KIAA1328: variants seen among roughly 807,000 people sequenced by gnomAD.
The protein encoded by KIAA1328 is protein hinderin.
Under a neutral mutation model 68.1 loss-of-function variants are expected in KIAA1328, and 52 were observed. The observed-to-expected ratio is 0.76, with a 90% CI of 0.61 to 0.96. KIAA1328 has a LOEUF of 0.96. KIAA1328 is among the 40% of genes least tolerant of loss of function. The pLI is 0.00. For missense variants in KIAA1328, 641 were observed against 677.6 expected, an observed-to-expected ratio of 0.95 and a Z score of 0.60; for synonymous variants, 232 against 239.4, an observed-to-expected ratio of 0.97 and a Z score of 0.28.
At chr18:37,111,743 A>G (rs2057936960) in intron 7 of KIAA1328, among the ~76,000 whole-genome samples, 1 of 152,298 alleles carries the variant, frequency 6.6e-6, no homozygotes, top group East Asian at 1.9e-4. Context: ...CCTGGGAAGC[A>G]CAAGGGGTCG....
chr18:36,913,338 G>A (rs534942172), intron 5 of KIAA1328, among the ~76,000 whole-genome samples: 1 of 149,416 alleles, frequency 6.7e-6, no homozygotes, highest in Non-Finnish European at 1.5e-5. Flanking sequence ...GAGCAACATA[G>A]TAAGACCTTG....
At chr18:36,851,080 G>C (rs2047197602) in intron 4 of KIAA1328, among the ~76,000 whole-genome samples, 1 of 151,656 alleles carries the variant, frequency 6.6e-6, no homozygotes, top group Non-Finnish European at 1.5e-5. Context: ...ATGTTTTTGT[G>C]GTTTTTTTTC....
chr18:37,114,019 G>C (rs978070224), intron 7 of KIAA1328, among the ~76,000 whole-genome samples: 7 of 152,150 alleles, frequency 4.6e-5, no homozygotes, highest in Non-Finnish European at 1.0e-4. Flanking sequence ...CAAGTCCTTA[G>C]AGACCTACAA....
In KIAA1328 at chr18:37,013,168, A is replaced by G. The variant is rs191257174; in HGVS notation, c.577-53722A>G. On this transcript the variant is annotated intron_variant, in intron 6 of 9. Transcript: ENST00000280020. ...GATGGTCAGTCCTGTGGACTTTCAGAGACAGGATAGGGTAGCAAGGCACTA... is the reference window on the plus strand; with the variant it reads ...GATGGTCAGTCCTGTGGACTTTCAGGGACAGGATAGGGTAGCAAGGCACTA... 1.5e-3 allele frequency among the ~76,000 whole-genome samples: 225 copies of G among 152,274 alleles called. 1 individual carries two copies. Among genetic ancestry groups the G allele is most frequent in the African/African-American group, 5.1e-3 (213 of 41,566 alleles).
intron 7 of KIAA1328, among the ~76,000 whole-genome samples, chr18:37,098,214 CATAG>C (rs1389556777): frequency 1.3e-5 from 2 of 152,196 alleles, no homozygotes; most frequent in Non-Finnish European, 2.9e-5. Context: ...GTGGGTTTGT[CATAG>C]ATAGCTCTTA....
rs1232342317 is a variant in KIAA1328 at position 37,222,166 on chromosome 18, T to C, written c.1673T>C (p.Met558Thr). The change falls in exon 10 of 10, where the codon ATG becomes ACG. Residue 558 changes from methionine to threonine, a missense_variant. Physicochemically the swap from Met to Thr is moderately conservative, Grantham distance 81. Coordinates refer to ENST00000280020, the MANE Select transcript of KIAA1328 (RefSeq NM_020776.3). ...PLKSTRKKMG[M>T]HRTPEELEEN... ...AAATCAACCCGGAAGAAGATGGGGATGCACAGAACCCCTGAAGAGTTGGAG... is the reference window on the plus strand; with the variant it reads ...AAATCAACCCGGAAGAAGATGGGGACGCACAGAACCCCTGAAGAGTTGGAG... The C allele has an allele frequency of 3.1e-6, 5 of 1,605,294 alleles. No homozygotes were observed. Among genetic ancestry groups the C allele is most frequent in the South Asian group, 1.1e-5 (1 of 89,342 alleles).
At chr18:37,068,772 T>C (rs1023991569) in intron 7 of KIAA1328, among the ~76,000 whole-genome samples, 2 of 152,106 alleles carry the variant, frequency 1.3e-5, no homozygotes, top group African/African-American at 4.8e-5. Flanking sequence ...GTAACTTGTC[T>C]TTTCTTTTTT....
At chr18:36,985,024 G>A (rs910646019) in intron 6 of KIAA1328, among the ~76,000 whole-genome samples, 10 of 152,050 alleles carry the variant, frequency 6.6e-5, no homozygotes, top group African/African-American at 2.4e-4. Flanking sequence ...TGAAGGACTG[G>A]GCACACAGTG....
chr18:36,886,254 A>T (rs2048497092), intron 5 of KIAA1328: 1 of 152,264 alleles, frequency 6.6e-6, no homozygotes, highest in South Asian at 2.1e-4. Context: ...TGGGCATTGA[A>T]GTGTAGTGTT....
chr18:37,135,139 G>T (rs1386454488), intron 7 of KIAA1328, among the ~76,000 whole-genome samples: 1 of 152,126 alleles, frequency 6.6e-6, no homozygotes, highest in Non-Finnish European at 1.5e-5. Context: ...CTTCGCTATT[G>T]TGAATAGTGT....
In KIAA1328 at chr18:36,935,939, A is replaced by G. The variant is rs187171599; in HGVS notation, c.449-23369A>G. ...AATTAGTCCTATCACGACAACTGTTATGAAGATGCTGTGATTAAGCCTTTC... is the reference window on the plus strand; with the variant it reads ...AATTAGTCCTATCACGACAACTGTTGTGAAGATGCTGTGATTAAGCCTTTC... On this transcript the variant is annotated intron_variant, in intron 5 of 9. Coordinates refer to ENST00000280020, the MANE Select transcript of KIAA1328 (RefSeq NM_020776.3). 1.2e-3 allele frequency among the ~76,000 whole-genome samples: 185 copies of G among 152,326 alleles called. 1 individual carries two copies. The highest frequency in any genetic ancestry group is 5.6e-4 in the Non-Finnish European group (38 of 68,032).
At chr18:37,052,546 A>G (rs1333010777) in intron 6 of KIAA1328, among the ~76,000 whole-genome samples, 1 of 152,194 alleles carries the variant, frequency 6.6e-6, no homozygotes, top group African/African-American at 2.4e-5. Flanking sequence ...GAGGACGTCA[A>G]ATTATCTCTG....
intron 4 of KIAA1328, among the ~76,000 whole-genome samples, chr18:36,850,343 CTT>C (rs1308976738): frequency 6.6e-6 from 1 of 151,866 alleles, no homozygotes; most frequent in African/African-American, 2.4e-5. Flanking sequence ...TACTCTGAAA[CTT>C]TACTGAATTT....
intron 4 of KIAA1328, among the ~76,000 whole-genome samples, chr18:36,873,793 C>G (rs565195490): frequency 6.6e-6 from 1 of 152,254 alleles, no homozygotes; most frequent in African/African-American, 2.4e-5. Flanking sequence ...CACCCATCAA[C>G]CCATCATCTA....
At chr18:37,084,479 T>C in intron 7 of KIAA1328, 2 of 208,406 alleles carry the variant, frequency 9.6e-6, no homozygotes, top group East Asian at 2.0e-4. Flanking sequence ...GTTTTTTGTT[T>C]TTTTTTTTTT....
intron 6 of KIAA1328, among the ~76,000 whole-genome samples, chr18:36,967,447 T>C (rs914399854): frequency 2.6e-5 from 4 of 152,230 alleles, no homozygotes; most frequent in Non-Finnish European, 5.9e-5. Flanking sequence ...AAACTAAACA[T>C]AGAACCTAGT....
intron 7 of KIAA1328, among the ~76,000 whole-genome samples, chr18:37,075,990 A>G (rs1252081085): frequency 6.6e-6 from 1 of 152,120 alleles, no homozygotes; most frequent in Non-Finnish European, 1.5e-5. Context: ...GACCTAATAG[A>G]CATCTACAGA....
chr18:36,957,689 A>T (rs1290914523), intron 5 of KIAA1328, among the ~76,000 whole-genome samples: 1 of 152,144 alleles, frequency 6.6e-6, no homozygotes, highest in African/African-American at 2.4e-5. Context: ...ACATCAAATT[A>T]TACTCTCTTT....
chr18:36,913,511 C>T lies in KIAA1328; in HGVS notation c.448+27839C>T, dbSNP rs1277996580. ...ACACACACACACACACACACACACA[C>T]ACACACACACACTTAGAGGAAAGCA... On this transcript the variant is annotated intron_variant, in intron 5 of 9. Coordinates refer to ENST00000280020, the MANE Select transcript of KIAA1328 (RefSeq NM_020776.3). Among the ~76,000 whole-genome samples the T allele has an allele frequency of 3.3e-5, 4 of 119,518 alleles. No homozygotes were observed. In the South Asian group the frequency reaches 9.3e-4, roughly 28 times the overall value. The allele number at this position is 119,518 out of a possible 152,430, so 78.4% of individuals were successfully genotyped here. A position where few individuals can be genotyped will look rare whatever the true frequency, so the allele number is the denominator to read the frequency against.
Sources: allele counts gnomAD v4.1 joint callset (sites outside exome capture counted in the v4.1 genomes callset), GRCh38; gene constraint gnomAD v4.1.1; transcripts MANE v1.5; gene names NCBI Gene and HGNC (gene_info 2026-07-23, HGNC 2026-07-21).